The following VTI1A variants were observed in gnomAD, a reference collection of about 807,000 sequenced individuals.
VTI1A encodes the protein vesicle transport through interaction with t-SNAREs 1A.
In VTI1A, 22 loss-of-function variants were observed where a neutral mutation model predicts 34.9. That is an observed-to-expected ratio of 0.63 (90% CI 0.45 to 0.90). The LOEUF is 0.90. Among genes scored for constraint, VTI1A ranks in the 40% least tolerant of loss-of-function variants. VTI1A has a pLI of 0.00. For synonymous variants in VTI1A, 87 were observed against 97.3 expected, an observed-to-expected ratio of 0.89 and a Z score of 0.62; for missense variants, 268 against 275.6, an observed-to-expected ratio of 0.97 and a Z score of 0.20.
chr10:112,632,313 A>G (rs1271938583), intron 5 of VTI1A, among the ~76,000 whole-genome samples: 1 of 152,200 alleles, frequency 6.6e-6, no homozygotes, highest in Non-Finnish European at 1.5e-5. Flanking sequence ...AACACAAAGT[A>G]TTTTTGTGTG....
chr10:112,634,838 CT>C (rs1444142035), intron 5 of VTI1A, among the ~76,000 whole-genome samples: 10 of 152,252 alleles, frequency 6.6e-5, no homozygotes, highest in African/African-American at 2.4e-4. Flanking sequence ...GTTTTGTCTG[CT>C]TTTCATTAAG....
rs869030543 is a variant in VTI1A at position 112,811,683 on chromosome 10, CA to C, written c.561-3578del. On this transcript the variant is annotated intron_variant, in intron 7 of 7. Transcript: ENST00000393077. ...TGGGCGACAGAGCGAGACTCCGTCT[CA>C]AAAAAAAAAAAAAAAAAAAAAAAAA... Among the ~76,000 whole-genome samples, 51 of 11,842 alleles carry C rather than the reference CA, an allele frequency of 4.3e-3. 1 individual carries two copies. The highest frequency in any genetic ancestry group is 0.011 in the African/African-American group (32 of 2,880). 7.8% of individuals were successfully genotyped at this position (11,842 alleles called of 152,430 possible). A position where few individuals can be genotyped will look rare whatever the true frequency, so the allele number is the denominator to read the frequency against.
At chr10:112,737,528 T>G in intron 7 of VTI1A, 1 of 1,050,712 alleles carries the variant, frequency 9.5e-7, no homozygotes, top group Non-Finnish European at 1.1e-6. Context: ...TGTGCAGTAT[T>G]TTAGGTACAT....
chr10:112,483,030 T>C (rs905455419), intron 3 of VTI1A, among the ~76,000 whole-genome samples: 1 of 151,728 alleles, frequency 6.6e-6, no homozygotes, highest in African/African-American at 2.4e-5. Flanking sequence ...TAGGAGAAAA[T>C]AAAAGCCTAA....
chr10:112,705,414 C>G (rs1849159905), intron 7 of VTI1A, among the ~76,000 whole-genome samples: 1 of 152,070 alleles, frequency 6.6e-6, no homozygotes, highest in South Asian at 2.1e-4. Context: ...CACTGTTATC[C>G]CACATGGCAT....
intron 5 of VTI1A, among the ~76,000 whole-genome samples, chr10:112,540,423 T>C (rs750324407): frequency 1.3e-4 from 20 of 152,220 alleles, no homozygotes; most frequent in South Asian, 1.0e-3. Flanking sequence ...ACTTGTCACA[T>C]AAGGCTTGGG....
At chr10:112,488,161 C>T (rs555956883) in intron 3 of VTI1A, among the ~76,000 whole-genome samples, 1 of 152,276 alleles carries the variant, frequency 6.6e-6, no homozygotes, top group South Asian at 2.1e-4. Context: ...TTTGTACTAT[C>T]AGGTACTAAA....
At chr10:112,579,619 G>C (rs1350332072) in intron 5 of VTI1A, among the ~76,000 whole-genome samples, 1 of 152,172 alleles carries the variant, frequency 6.6e-6, no homozygotes, top group Non-Finnish European at 1.5e-5. Flanking sequence ...ATAAAAAAGT[G>C]TCAGTTCATG....
chr10:112,461,400 T>A (rs1303941774), intron 2 of VTI1A, among the ~76,000 whole-genome samples: 1 of 152,160 alleles, frequency 6.6e-6, no homozygotes, highest in Non-Finnish European at 1.5e-5. Context: ...TGTAGCAGCA[T>A]GAGAGAACCT....
the VTI1A span, among the ~76,000 whole-genome samples, chr10:112,842,535 C>G: frequency 3.9e-5 from 6 of 152,230 alleles, no homozygotes; most frequent in Non-Finnish European, 7.3e-5. Flanking sequence ...CTGGGACTAA[C>G]TGGCACTACT....
At chr10:112,798,334 C>G (rs1852749554) in intron 7 of VTI1A, among the ~76,000 whole-genome samples, 1 of 152,202 alleles carries the variant, frequency 6.6e-6, no homozygotes. Context: ...GTTCCCTTTG[C>G]TGAGGACCTG....
intron 3 of VTI1A, among the ~76,000 whole-genome samples, chr10:112,487,462 T>C (rs1288358391): frequency 6.6e-6 from 1 of 152,228 alleles, no homozygotes; most frequent in African/African-American, 2.4e-5. Context: ...GGTTTATCAT[T>C]GGCAATTGGA....
intron 7 of VTI1A, among the ~76,000 whole-genome samples, chr10:112,763,470 T>A (rs145094567): frequency 6.6e-6 from 1 of 152,014 alleles, no homozygotes; most frequent in East Asian, 1.9e-4. Flanking sequence ...CACTGGCCTT[T>A]GTTACAAGTC....
intron 7 of VTI1A, among the ~76,000 whole-genome samples, chr10:112,754,226 A>T (rs1851202092): frequency 6.6e-6 from 1 of 152,148 alleles, no homozygotes; most frequent in Admixed American, 6.5e-5. Context: ...AAATGTAGTC[A>T]TGTTTTTGTT....
intron 5 of VTI1A, among the ~76,000 whole-genome samples, chr10:112,603,484 G>T (rs1485909317): frequency 6.6e-6 from 1 of 151,900 alleles, no homozygotes; most frequent in African/African-American, 2.4e-5. Context: ...TTGTTTGTTT[G>T]GTTTTTAACC....
rs142302607 is a variant in VTI1A at position 112,618,300 on chromosome 10, A to G, written c.428-49918A>G. ...TAGAATGGTGAAAATGAAATGAGATAAGTAGCATTTAACAGTGTGCCAAGT... is the reference window on the plus strand; with the variant it reads ...TAGAATGGTGAAAATGAAATGAGATGAGTAGCATTTAACAGTGTGCCAAGT... On this transcript the variant is annotated intron_variant, in intron 5 of 7. Coordinates refer to ENST00000393077, the MANE Select transcript of VTI1A (RefSeq NM_145206.4). Among the ~76,000 whole-genome samples the G allele has an allele frequency of 8.0e-3, 1,211 of 151,606 alleles. 4 individuals carry two copies. Among genetic ancestry groups the G allele is most frequent in the Non-Finnish European group, 0.012 (785 of 67,944 alleles).
At chr10:112,546,053 T>C (rs1283697168) in intron 5 of VTI1A, among the ~76,000 whole-genome samples, 2 of 151,144 alleles carry the variant, frequency 1.3e-5, no homozygotes, top group East Asian at 3.9e-4. Flanking sequence ...TATATACGTG[T>C]ATACGCGTAT....
chr10:112,798,739 G>A (rs1214480327), intron 7 of VTI1A, among the ~76,000 whole-genome samples: 2 of 152,196 alleles, frequency 1.3e-5, no homozygotes, highest in African/African-American at 2.4e-5. Flanking sequence ...GATAAACTGA[G>A]GCACTATTTG....
At chr10:112,758,725 A>G (rs914655491) in intron 7 of VTI1A, among the ~76,000 whole-genome samples, 1 of 152,232 alleles carries the variant, frequency 6.6e-6, no homozygotes, top group Non-Finnish European at 1.5e-5. Context: ...GAAGATCATA[A>G]TAGAAAATCC....
Sources: gnomAD v4.1 joint callset for allele counts (sites outside exome capture counted in the v4.1 genomes callset) on GRCh38, gnomAD v4.1.1 for gene constraint, MANE v1.5 for transcripts, NCBI Gene and HGNC (gene_info 2026-07-23, HGNC 2026-07-21) for gene names.